Variants in SLC44A4 observed in about 807,000 individuals in gnomAD.
SLC44A4 encodes choline transporter-like protein 4.
Under a neutral mutation model 97.0 loss-of-function variants are expected in SLC44A4, and 74 were observed. The ratio of observed to expected loss-of-function variants is 0.76; its 90% CI spans 0.63 to 0.93. The LOEUF (loss-of-function observed/expected upper bound fraction) is 0.93, where lower values mean the gene tolerates loss of function less well. Among genes scored for constraint, SLC44A4 ranks in the 40% least tolerant of loss-of-function variants. The pLI is 0.00. For synonymous variants in SLC44A4, 325 were observed against 363.8 expected, an observed-to-expected ratio of 0.89 and a Z score of 1.21; for missense variants, 799 against 902.9, an observed-to-expected ratio of 0.88 and a Z score of 1.48.
chr6:31,876,860 C>A lies in SLC44A4; in HGVS notation c.89+174G>T, dbSNP rs1472043340. On this transcript the variant is annotated intron_variant, in intron 2 of 20. Transcript: ENST00000229729. This position sits in a 1 kb window ranked among gnomAD's most constrained non-coding sequence, Gnocchi z 4.8. ...AGAACATCCCCCCAGAACTGGGAAG[C>A]CCTCGATGCCTGCTCCAGACACAAC... is the stretch of plus-strand genomic sequence containing the variant. Among the ~76,000 whole-genome samples, 2 of 152,238 alleles carry A rather than the reference C, an allele frequency of 1.3e-5. No homozygotes were observed. Among genetic ancestry groups the A allele is most frequent in the Middle Eastern group, 6.8e-3 (2 of 294 alleles).
intron 11 of SLC44A4, among the ~76,000 whole-genome samples, 196 bp downstream of exon 11, chr6:31,870,407 A>G (rs1004803957): frequency 6.6e-6 from 1 of 151,998 alleles, no homozygotes; most frequent in Non-Finnish European, 1.5e-5. Context: ...CCTCAAGACA[A>G]CCCTAGAAGG....
Position 31,877,447 on chromosome 6 carries a change from A to G in SLC44A4, c.41-365T>C. On this transcript the variant is annotated intron_variant, in intron 1 of 20. Coordinates refer to ENST00000229729, the MANE Select transcript of SLC44A4 (RefSeq NM_025257.3). The surrounding 1 kb of genome is among the most constrained non-coding windows in gnomAD (Gnocchi z 6.5). Reference sequence around the variant, plus strand: ...GGATGTGGGACTCCCAGTGGCTCTCACTCCCTCATTCTCATCCCTGCCTCC... The same window carrying G: ...GGATGTGGGACTCCCAGTGGCTCTCGCTCCCTCATTCTCATCCCTGCCTCC... The G allele has an allele frequency of 2.8e-6, 1 of 363,576 alleles. No individual in the cohort carries two copies. Among genetic ancestry groups the G allele is most frequent in the Admixed American group, 4.8e-5 (1 of 20,848 alleles). 22.5% of individuals were successfully genotyped at this position (363,576 alleles called of 1,614,324 possible).
intron 13 of SLC44A4, among the ~76,000 whole-genome samples, chr6:31,867,814 G>A (rs1410485592): frequency 1.4e-5 from 2 of 145,002 alleles, no homozygotes; most frequent in African/African-American, 5.2e-5. Context: ...CTCTGTACAT[G>A]TAAATAAACC....
rs1022295803 is a variant in SLC44A4, at chr6:31,878,377, C to G, written c.40+564G>C. On this transcript the variant is annotated intron_variant, in intron 1 of 20. Coordinates refer to ENST00000229729, the MANE Select transcript of SLC44A4 (RefSeq NM_025257.3). The surrounding 1 kb of genome is among the most constrained non-coding windows in gnomAD (Gnocchi z 4.0). ...AGGGACCCCCAGCAGAACCCACTCC[C>G]TCTGCCACTTCTCCCAGAGACCCTG... 6.6e-6 allele frequency among the ~76,000 whole-genome samples: 1 copy of G among 151,700 alleles called. No individual in the cohort carries two copies. Among genetic ancestry groups the G allele is most frequent in the Non-Finnish European group, 1.5e-5 (1 of 67,902 alleles).
At position 31,874,372 on chromosome 6, in the gene SLC44A4, C is replaced by T; in HGVS notation, c.529+88G>A. ...ATTTTGCCACCAACAAGCTATGTGA[C>T]TTCACTCTCTCTGGGCCTGATTTCT... On this transcript the variant is annotated intron_variant, in intron 7 of 20. Coordinates refer to ENST00000229729, the MANE Select transcript of SLC44A4 (RefSeq NM_025257.3). The surrounding 1 kb of genome is among the most constrained non-coding windows in gnomAD (Gnocchi z 4.8). 1 of 1,105,042 alleles carries T rather than the reference C, an allele frequency of 9.0e-7. No individual in the cohort carries two copies. The highest frequency in any genetic ancestry group is 1.4e-6 in the Non-Finnish European group (1 of 731,708). 68.5% of individuals were successfully genotyped at this position (1,105,042 alleles called of 1,614,324 possible).
At position 31,867,848 on chromosome 6, in the gene SLC44A4, A is replaced by G. The variant is rs1277811770; in HGVS notation, c.1233+1307T>C. Among the ~76,000 whole-genome samples, 419 of 120,064 alleles carry G rather than the reference A, an allele frequency of 3.5e-3. 2 individuals carry two copies. The highest frequency in any genetic ancestry group is 0.014 in the African/African-American group (396 of 28,758). The allele number at this position is 120,064 out of a possible 152,430, so 78.8% of individuals were successfully genotyped here. A position where few individuals can be genotyped will look rare whatever the true frequency, so the allele number is the denominator to read the frequency against. On this transcript the variant is annotated intron_variant, in intron 13 of 20. Coordinates refer to ENST00000229729, the MANE Select transcript of SLC44A4 (RefSeq NM_025257.3). ...CCTTTTTTTTTTTTTTTTGAGACGG[A>G]GTCTCGCCGCCCAGGCTGCAGTGCA...
chr6:31,870,464 C>T, intron 11 of SLC44A4, 139 bp downstream of exon 11: 1 of 655,572 alleles, frequency 1.5e-6, no homozygotes, highest in Non-Finnish European at 2.7e-6. Flanking sequence ...AGCAAAGCCA[C>T]AGCAGTGTTC....
At chr6:31,867,824 CTT>C (rs3997888) in intron 13 of SLC44A4, among the ~76,000 whole-genome samples, 17 of 137,568 alleles carry the variant, frequency 1.2e-4, no homozygotes, top group Admixed American at 2.2e-4. Context: ...GTAAATAAAC[CTT>C]TTTTTTTTTT....
rs1762825123 is a variant in SLC44A4, at chr6:31,865,740, AG to A, written c.1531del (p.Val512CysfsTer3). ...SLAFGALILT[L>X]VQIARVILEY... Reference sequence around the variant, plus strand: ...CAAGATGACCCGGGCTATCTGCACAAGGGTCAGGATGAGGGCTCCAAATGCC... The same window carrying A: ...CAAGATGACCCGGGCTATCTGCACAAGGTCAGGATGAGGGCTCCAAATGCC... On this transcript the variant is annotated frameshift_variant, in exon 15 of 21. Coordinates refer to ENST00000229729, the MANE Select transcript of SLC44A4 (RefSeq NM_025257.3). LOFTEE classifies it high-confidence loss of function. The surrounding 1 kb of genome is among the most constrained non-coding windows in gnomAD (Gnocchi z 5.2). 6.2e-7 allele frequency: 1 copy of A among 1,613,616 alleles called. No individual in the cohort carries two copies. Among genetic ancestry groups the A allele is most frequent in the Non-Finnish European group, 8.5e-7 (1 of 1,179,968 alleles).
At chr6:31,870,791 G>C in intron 10 of SLC44A4, 21 bp downstream of exon 10, 2 of 1,612,452 alleles carry the variant, frequency 1.2e-6, no homozygotes, top group African/African-American at 2.7e-5. Context: ...CTGGTGGCTT[G>C]GGGGTGGGCA....
At chr6:31,871,193 A>G in intron 9 of SLC44A4, 121 bp downstream of exon 9, 2 of 1,290,646 alleles carry the variant, frequency 1.5e-6, no homozygotes, top group Middle Eastern at 1.8e-4. Context: ...CTTGGAATCC[A>G]TTCGGAGCTC....
At position 31,870,614 on chromosome 6, in the gene SLC44A4, C is replaced by G. The variant is rs1161383213; in HGVS notation, c.1026G>C (p.Lys342Asn). ...QRIRIAIALL[K>N]EASKAVGQMM... is the part of the protein sequence containing the mutation. ...AGGCAGGCCCTAACTTGCTGGCCTC[C>G]TTCAGGAGGGCGATGGCAATACGAA... Residue 342 changes from lysine (K) to asparagine (N), a missense_variant, in exon 11 of 21, where the codon AAG (lysine) becomes AAC (asparagine). By Grantham distance (94) the Lys-to-Asn change is moderately conservative. Coordinates refer to ENST00000229729, the MANE Select transcript of SLC44A4 (RefSeq NM_025257.3). 5.6e-6 allele frequency: 9 copies of G among 1,600,974 alleles called. No individual in the cohort carries two copies. Among genetic ancestry groups the G allele is most frequent in the Non-Finnish European group, 6.8e-6 (8 of 1,174,560 alleles).
intron 13 of SLC44A4, 92 bp from the exon 14 acceptor site, chr6:31,866,218 C>G: frequency 2.0e-6 from 3 of 1,486,400 alleles, no homozygotes; most frequent in Non-Finnish European, 2.7e-6. Context: ...CCTGCCCCTC[C>G]CAGAGTTGAC....
chr6:31,877,188 G>A lies in SLC44A4; in HGVS notation c.41-106C>T. The A allele has an allele frequency of 3.4e-6, 4 of 1,193,730 alleles. No homozygotes were observed. Among genetic ancestry groups the A allele is most frequent in the East Asian group, 2.5e-5 (1 of 39,994 alleles). The allele number at this position is 1,193,730 out of a possible 1,614,324, so 73.9% of individuals were successfully genotyped here. A position where few individuals can be genotyped will look rare whatever the true frequency, so the allele number is the denominator to read the frequency against. ...CCTACCCAGGCCTCAGGTGTTTGGA[G>A]GGAGATGGGCTAGGGCAGGACTGGC... On this transcript the variant is annotated intron_variant, in intron 1 of 20. Transcript: ENST00000229729. This position sits in a 1 kb window ranked among gnomAD's most constrained non-coding sequence, Gnocchi z 6.5.
rs762202451 is a variant in SLC44A4 at position 31,863,768 on chromosome 6, G to C, written c.2012-20C>G. 1.9e-6 allele frequency: 3 copies of C among 1,611,796 alleles called. No individual in the cohort carries two copies. Among genetic ancestry groups the C allele is most frequent in the Non-Finnish European group, 2.5e-6 (3 of 1,179,638 alleles). On this transcript the variant is annotated intron_variant, in intron 20 of 20. Coordinates refer to ENST00000229729, the MANE Select transcript of SLC44A4 (RefSeq NM_025257.3). ...CTTCCACTGAGCCGCAACAGAGACC[G>C]GTTAGAGCGGACCCTGGGGCCAGGA... is the stretch of plus-strand genomic sequence containing the variant.
At position 31,876,803 on chromosome 6, in the gene SLC44A4, C is replaced by G. The variant is rs1359186300; in HGVS notation, c.89+231G>C. Among the ~76,000 whole-genome samples, 1 of 152,084 alleles carries G rather than the reference C, an allele frequency of 6.6e-6. No homozygotes were observed. Among genetic ancestry groups the G allele is most frequent in the Non-Finnish European group, 1.5e-5 (1 of 68,004 alleles). Reference sequence around the variant, plus strand: ...AAGGGCTCAGCTGGGTGAGTTCTCTCGCTTGTGAAGCCGGCACTTAAGTCA... The same window carrying G: ...AAGGGCTCAGCTGGGTGAGTTCTCTGGCTTGTGAAGCCGGCACTTAAGTCA... On this transcript the variant is annotated intron_variant, in intron 2 of 20. Coordinates refer to ENST00000229729, the MANE Select transcript of SLC44A4 (RefSeq NM_025257.3). This position sits in a 1 kb window ranked among gnomAD's most constrained non-coding sequence, Gnocchi z 4.8.
At chr6:31,864,577 T>G in intron 20 of SLC44A4, 75 bp downstream of exon 20, 1 of 1,244,686 alleles carries the variant, frequency 8.0e-7, no homozygotes, top group Non-Finnish European at 1.1e-6. Flanking sequence ...GCACCAAATC[T>G]CCAAAAAAAA....
intron 7 of SLC44A4, among the ~76,000 whole-genome samples, chr6:31,872,963 C>T (rs1167073588): frequency 2.6e-5 from 4 of 152,120 alleles, no homozygotes; most frequent in East Asian, 1.9e-4. Context: ...CCGTAAACTC[C>T]GCCTCTGGGC....
intron 13 of SLC44A4, among the ~76,000 whole-genome samples, chr6:31,867,678 A>G (rs1762934950): frequency 6.6e-6 from 1 of 151,846 alleles, no homozygotes; most frequent in African/African-American, 2.4e-5. Flanking sequence ...GTGAGCCATG[A>G]TCGCATCACT....
Sources: allele counts gnomAD v4.1 joint callset (sites outside exome capture counted in the v4.1 genomes callset), GRCh38; gene constraint gnomAD v4.1.1; non-coding constraint Gnocchi (gnomAD v3.1); transcripts MANE v1.5; gene names NCBI Gene and HGNC (gene_info 2026-07-23, HGNC 2026-07-21).